LPXN: variants seen among roughly 807,000 people sequenced by gnomAD.
LPXN encodes leupaxin.
In LPXN, 28 loss-of-function variants were observed where a neutral mutation model predicts 45.6. That is an observed-to-expected ratio of 0.61 (90% CI 0.45 to 0.84). The LOEUF is 0.84. Among genes scored for constraint, LPXN ranks in the 40% least tolerant of loss-of-function variants. The pLI, the probability that LPXN is intolerant of heterozygous loss-of-function variation, is 0.00. For missense variants in LPXN, 459 were observed against 475.0 expected (o/e 0.97, Z 0.31); for synonymous variants, 166 against 169.9 (o/e 0.98, Z 0.18).
In LPXN at chr11:58,541,255, T is replaced by C. The variant is rs574700842; in HGVS notation, c.742+8531A>G. Among the ~76,000 whole-genome samples, 9 of 152,010 alleles carry C rather than the reference T, an allele frequency of 5.9e-5. No individual in the cohort carries two copies. In the South Asian group the frequency reaches 1.2e-3, roughly 21 times the overall value. On this transcript the variant is annotated intron_variant, in intron 7 of 8. Transcript: ENST00000395074. ...ACTACCATCAGAGTGAACAGGCAAC[T>C]TACAAAATGGGAGAAAATTTTCACA...
In LPXN at chr11:58,540,627, G is replaced by C. The variant is rs955148289; in HGVS notation, c.742+9159C>G. 6.6e-5 allele frequency among the ~76,000 whole-genome samples: 10 copies of C among 152,068 alleles called. No homozygotes were observed. The East Asian group carries it at 1.2e-3, about 18-fold the overall frequency. On this transcript the variant is annotated intron_variant, in intron 7 of 8. Coordinates refer to ENST00000395074, the MANE Select transcript of LPXN (RefSeq NM_004811.3). The stretch of plus-strand genomic sequence containing the variant: ...AAAACACTTATACTTACTGAAGCTA[G>C]GTAAGGAAGCACATTTATGTTTAGA...
At chr11:58,553,592 G>C (rs143653461) in intron 4 of LPXN, among the ~76,000 whole-genome samples, 1 of 152,200 alleles carries the variant, frequency 6.6e-6, no homozygotes, top group African/African-American at 2.4e-5. Context: ...TGTTGCTCAC[G>C]ATGTATCAGG....
At chr11:58,527,901 T>A in intron 8 of LPXN, 142 bp downstream of exon 8, 1 of 1,154,152 alleles carries the variant, frequency 8.7e-7, no homozygotes, top group South Asian at 1.5e-5. Flanking sequence ...AGCAAATGGA[T>A]CTGTATCTCG....
chr11:58,561,839 G>A (rs1015689660), intron 3 of LPXN, among the ~76,000 whole-genome samples: 3 of 152,198 alleles, frequency 2.0e-5, no homozygotes, highest in Non-Finnish European at 4.4e-5. Context: ...TGAGTCAACA[G>A]TATAAAATTC....
chr11:58,549,335 A>G (rs1853969522), intron 7 of LPXN, among the ~76,000 whole-genome samples: 1 of 152,134 alleles, frequency 6.6e-6, no homozygotes, highest in Non-Finnish European at 1.5e-5. Context: ...TGGAGGTTGC[A>G]GTGGGCGGAG....
At chr11:58,569,157 A>G (rs183544967) in intron 2 of LPXN, among the ~76,000 whole-genome samples, 57 of 152,340 alleles carry the variant, frequency 3.7e-4, no homozygotes, top group Non-Finnish European at 7.9e-4. Flanking sequence ...GCTTCTGGCT[A>G]TTTCATACAG....
At chr11:58,575,902 G>A (rs1006949734), upstream of LPXN, 28 of 1,536,358 alleles carry the variant, frequency 1.8e-5, no homozygotes, top group Admixed American at 2.7e-4. Context: ...TTTGGTTCCT[G>A]TATTTGCTTA....
chr11:58,550,238 T>C lies in LPXN; in HGVS notation c.487-92A>G, dbSNP rs1854009306. 8 of 1,197,388 alleles carry C rather than the reference T, an allele frequency of 6.7e-6. No individual in the cohort carries two copies. In the South Asian group the frequency reaches 7.7e-5, roughly 12 times the overall value. The allele number at this position is 1,197,388 out of a possible 1,614,324, so 74.2% of individuals were successfully genotyped here. ...ACTCTAGGGAGCACTCTTCACATTG[T>C]ACCCCTTGTAGACAACACGCCCTGG... On this transcript the variant is annotated intron_variant, in intron 5 of 8. Coordinates refer to ENST00000395074, the MANE Select transcript of LPXN (RefSeq NM_004811.3).
chr11:58,551,226 C>T lies in LPXN; in HGVS notation c.325G>A (p.Val109Met). The T allele has an allele frequency of 3.1e-6, 5 of 1,604,516 alleles. No homozygotes were observed. The highest frequency in any genetic ancestry group is 4.3e-6 in the Non-Finnish European group (5 of 1,176,064). Residue 109 changes from valine (V) to methionine (M), a missense_variant, in exon 5 of 9, where the codon GTG becomes ATG. Transcript: ENST00000395074. ...HLTEMQAKVA[V>M]RADAGKKHLP... The stretch of plus-strand genomic sequence containing the variant: ...TGCTTCTTGCCAGCATCTGCTCTCA[C>T]TGCAACCTGGCCCAAGGGAAGAACC...
chr11:58,538,129 T>A (rs1853609917), intron 7 of LPXN, among the ~76,000 whole-genome samples: 1 of 152,130 alleles, frequency 6.6e-6, no homozygotes, highest in Admixed American at 6.5e-5. Flanking sequence ...TGCACAGTAT[T>A]CCATGGTGTA....
chr11:58,542,680 C>A (rs535097109), intron 7 of LPXN, among the ~76,000 whole-genome samples: 1 of 151,798 alleles, frequency 6.6e-6, no homozygotes, highest in African/African-American at 2.4e-5. Flanking sequence ...TGTTTATTTA[C>A]ATAAATCCCT....
intron 3 of LPXN, among the ~76,000 whole-genome samples, chr11:58,557,599 A>G (rs1854243282): frequency 6.6e-6 from 1 of 152,196 alleles, no homozygotes; most frequent in Non-Finnish European, 1.5e-5. Flanking sequence ...AGTAGCAGAT[A>G]TGTAAGATGA....
In LPXN at chr11:58,564,216, T is replaced by C; in HGVS notation, c.172-15A>G. ...ACGAGCTGCGCCTAAGATATATAAG[T>C]GACAAGAGAAGAGCAAAGAATAAAT... On this transcript the variant is annotated splice_polypyrimidine_tract_variant and intron_variant, in intron 2 of 8. Coordinates refer to ENST00000395074, the MANE Select transcript of LPXN (RefSeq NM_004811.3). The C allele has an allele frequency of 6.3e-7, 1 of 1,585,068 alleles. No individual in the cohort carries two copies. The highest frequency in any genetic ancestry group is 8.6e-7 in the Non-Finnish European group (1 of 1,157,448).
intron 1 of LPXN, among the ~76,000 whole-genome samples, chr11:58,571,342 A>AAAT (rs1854691564): frequency 1.4e-5 from 2 of 146,990 alleles, no homozygotes; most frequent in Non-Finnish European, 3.0e-5. Context: ...CCTGTCTCAA[A>AAAT]AAATAAATAA....
At chr11:58,571,144 C>T (rs1854683494) in intron 1 of LPXN, among the ~76,000 whole-genome samples, 1 of 151,914 alleles carries the variant, frequency 6.6e-6, no homozygotes, top group African/African-American at 2.4e-5. Flanking sequence ...GAGTTCCAGA[C>T]CAGGGCAACA....
At chr11:58,537,006 A>C (rs1050138907) in intron 7 of LPXN, among the ~76,000 whole-genome samples, 1 of 152,250 alleles carries the variant, frequency 6.6e-6, no homozygotes, top group Non-Finnish European at 1.5e-5. Context: ...AAAAGTCAGG[A>C]AACAACAGAT....
chr11:58,566,877 C>T (rs1244493708), intron 2 of LPXN, among the ~76,000 whole-genome samples: 1 of 152,066 alleles, frequency 6.6e-6, no homozygotes, highest in African/African-American at 2.4e-5. Flanking sequence ...TCCCAAAATC[C>T]AATTGATGAC....
intron 2 of LPXN, among the ~76,000 whole-genome samples, chr11:58,565,199 A>G (rs1854492464): frequency 6.6e-6 from 1 of 151,844 alleles, no homozygotes; most frequent in Non-Finnish European, 1.5e-5. Flanking sequence ...TACTTTGGGC[A>G]GCCGAGGCAG....
intron 1 of LPXN, among the ~76,000 whole-genome samples, chr11:58,575,132 T>C (rs1854842070): frequency 6.6e-6 from 1 of 152,214 alleles, no homozygotes; most frequent in African/African-American, 2.4e-5. Context: ...TGGTTTTAAT[T>C]GTCTTAGAGT....
Sources: allele counts gnomAD v4.1 joint callset (sites outside exome capture counted in the v4.1 genomes callset), GRCh38; gene constraint gnomAD v4.1.1; transcripts MANE v1.5; gene names NCBI Gene and HGNC (gene_info 2026-07-23, HGNC 2026-07-21).